Variants in MYLK observed in about 807,000 individuals in gnomAD.
MYLK encodes the protein myosin light chain kinase.
MYLK carries 106 observed loss-of-function variants against 203.4 expected under a neutral mutation model. The ratio of observed to expected loss-of-function variants is 0.52; its 90% CI spans 0.45 to 0.61. The LOEUF (loss-of-function observed/expected upper bound fraction) is 0.61. MYLK is among the 20% of genes least tolerant of loss of function. The pLI is 0.00. For synonymous variants in MYLK, 867 were observed against 959.5 expected, an observed-to-expected ratio of 0.90 and a Z score of 1.78; for missense variants, 2,072 against 2,442.3, an observed-to-expected ratio of 0.85 and a Z score of 3.20.
intron 4 of MYLK, among the ~76,000 whole-genome samples, chr3:123,757,811 A>G (rs2063405243): frequency 2.0e-5 from 3 of 152,174 alleles, no homozygotes; most frequent in Admixed American, 2.0e-4. Context: ...ATTCTGCAAC[A>G]CTGTCTATGT....
chr3:123,675,083 C>T (rs554776871), intron 20 of MYLK, among the ~76,000 whole-genome samples: 2 of 152,368 alleles, frequency 1.3e-5, no homozygotes, highest in South Asian at 4.1e-4. Context: ...TCTCCCCCAG[C>T]CCTGGGCACT....
intron 27 of MYLK, among the ~76,000 whole-genome samples, chr3:123,645,088 A>G (rs1287450057): frequency 1.3e-5 from 2 of 152,148 alleles, no homozygotes; most frequent in Admixed American, 1.3e-4. Context: ...AAACCAGGAT[A>G]CAAAAAAAGT....
intron 23 of MYLK, among the ~76,000 whole-genome samples, chr3:123,663,735 C>T (rs771869871): frequency 3.9e-5 from 6 of 152,146 alleles, no homozygotes; most frequent in Admixed American, 6.5e-5. Flanking sequence ...GGGACAGATA[C>T]AGACACCTGT....
Position 123,752,350 on chromosome 3 carries a change from T to G in MYLK, c.354A>C (p.Thr118=). 6.2e-7 allele frequency: 1 copy of G among 1,614,152 alleles called. No individual in the cohort carries two copies. Among genetic ancestry groups the G allele is most frequent in the Non-Finnish European group, 8.5e-7 (1 of 1,180,030 alleles). ...ATNGSGARQV[T]VELTVEGSFA... is the part of the protein sequence containing the mutation. ...ACTCACCTTCTACTGTCAACTCCAC[T>G]GTCACCTGGCGAGCACCACTGCCAT... The change falls in exon 5 of 34, where the codon ACA becomes ACC. Residue 118 remains threonine, a synonymous_variant. Transcript: ENST00000360304.
chr3:123,783,830 G>A (rs1008914131), intron 4 of MYLK, among the ~76,000 whole-genome samples: 4 of 151,972 alleles, frequency 2.6e-5, no homozygotes, highest in Non-Finnish European at 1.5e-5. Flanking sequence ...CTTGATTTAA[G>A]AATTTAGACA....
intron 7 of MYLK, among the ~76,000 whole-genome samples, chr3:123,738,423 C>T (rs1031490400): frequency 4.6e-5 from 7 of 152,270 alleles, no homozygotes; most frequent in Admixed American, 3.9e-4. Flanking sequence ...TGAGAACCGC[C>T]TGAAACAGGA....
chr3:123,830,750 A>G (rs1242478070), intron 3 of MYLK, among the ~76,000 whole-genome samples: 1 of 152,200 alleles, frequency 6.6e-6, no homozygotes, highest in Non-Finnish European at 1.5e-5. Flanking sequence ...TGTAGTAGTT[A>G]GACCCTAAGG....
At chr3:123,874,424 T>C (rs908693730) in intron 2 of MYLK, among the ~76,000 whole-genome samples, 9 of 152,166 alleles carry the variant, frequency 5.9e-5, no homozygotes, top group African/African-American at 1.9e-4. Context: ...GCTAGCACTA[T>C]TGGACATTCA....
At chr3:123,715,092 C>G (rs2061846667) in intron 13 of MYLK, among the ~76,000 whole-genome samples, 1 of 152,168 alleles carries the variant, frequency 6.6e-6, no homozygotes, top group African/African-American at 2.4e-5. Flanking sequence ...CGCACTCTCC[C>G]CTTTATGATT....
intron 4 of MYLK, among the ~76,000 whole-genome samples, chr3:123,788,443 G>T (rs935259066): frequency 2.0e-5 from 3 of 150,538 alleles, no homozygotes; most frequent in South Asian, 2.1e-4. Flanking sequence ...CAATGTGCAG[G>T]TTAGTTACAT....
At chr3:123,754,992 G>C (rs1421839442) in intron 4 of MYLK, among the ~76,000 whole-genome samples, 1 of 152,172 alleles carries the variant, frequency 6.6e-6, no homozygotes, top group Non-Finnish European at 1.5e-5. Flanking sequence ...TCATGCATGG[G>C]AACATCAGAC....
At chr3:123,670,984 G>C (rs141460725) in intron 20 of MYLK, among the ~76,000 whole-genome samples, 203 of 152,374 alleles carry the variant, frequency 1.3e-3, no homozygotes, top group Middle Eastern at 6.8e-3. Context: ...AGAGGTCCCT[G>C]ATAGGTCTTT....
intron 19 of MYLK, among the ~76,000 whole-genome samples, chr3:123,687,250 G>A (rs2060489198): frequency 6.6e-6 from 1 of 152,128 alleles, no homozygotes; most frequent in Admixed American, 6.5e-5. Context: ...AAATGTGGGG[G>A]TGGGAGCAGA....
chr3:123,851,278 G>A lies in MYLK; in HGVS notation c.-126-19608C>T, dbSNP rs891915172. 2.6e-5 allele frequency among the ~76,000 whole-genome samples: 4 copies of A among 152,156 alleles called. No homozygotes were observed. The South Asian group carries it at 8.3e-4, about 31-fold the overall frequency. ...TTAAAGTAGTTTTTTCCAATTCTGT[G>A]AAGAAAGTCCTTGGTAGCTTGATGG... is the stretch of plus-strand genomic sequence containing the variant. On this transcript the variant is annotated intron_variant, in intron 2 of 33. Coordinates refer to ENST00000360304, the MANE Select transcript of MYLK (RefSeq NM_053025.4).
intron 4 of MYLK, among the ~76,000 whole-genome samples, chr3:123,776,271 A>T (rs1273516882): frequency 6.6e-6 from 1 of 152,154 alleles, no homozygotes; most frequent in Non-Finnish European, 1.5e-5. Flanking sequence ...GCAAGTTTGA[A>T]TCTCACAGAT....
At chr3:123,766,644 G>A (rs1238439160) in intron 4 of MYLK, among the ~76,000 whole-genome samples, 5 of 152,248 alleles carry the variant, frequency 3.3e-5, no homozygotes, top group Non-Finnish European at 7.3e-5. Flanking sequence ...GGGGTCCTCG[G>A]AGACCCCAGG....
At chr3:123,754,255 C>A (rs1248632077) in intron 4 of MYLK, among the ~76,000 whole-genome samples, 1 of 152,176 alleles carries the variant, frequency 6.6e-6, no homozygotes, top group African/African-American at 2.4e-5. Flanking sequence ...TGAACAATCC[C>A]TCTTTGATTA....
At chr3:123,615,653 C>CTTT (rs1553769391) in intron 33 of MYLK, among the ~76,000 whole-genome samples, 4 of 144,458 alleles carry the variant, frequency 2.8e-5, no homozygotes, top group East Asian at 2.0e-4. Flanking sequence ...AATTTTCTAT[C>CTTT]TTTTTTTTTT....
chr3:123,742,954 C>T (rs2062903653), intron 5 of MYLK, among the ~76,000 whole-genome samples: 1 of 151,950 alleles, frequency 6.6e-6, no homozygotes, highest in Admixed American at 6.6e-5. Context: ...TAGTAGTTGC[C>T]AGGAGCTGGG....
Sources: allele counts gnomAD v4.1 joint callset (sites outside exome capture counted in the v4.1 genomes callset), GRCh38; gene constraint gnomAD v4.1.1; transcripts MANE v1.5; gene names NCBI Gene and HGNC (gene_info 2026-07-23, HGNC 2026-07-21).